Variants in CFAP54 observed in about 807,000 individuals in gnomAD.
CFAP54 encodes the protein cilia and flagella associated protein 54, also known as cilia- and flagella-associated protein 54.
In CFAP54, 290 loss-of-function variants were observed where a neutral mutation model predicts 370.4. The observed-to-expected ratio is 0.78, with a 90% CI of 0.71 to 0.86. The LOEUF is 0.86. CFAP54 is among the 40% of genes least tolerant of loss of function. CFAP54 has a pLI of 0.00. For missense variants in CFAP54, 3,399 were observed against 3,528.7 expected, an observed-to-expected ratio of 0.96 and a Z score of 0.93; for synonymous variants, 1,206 against 1,236.5, an observed-to-expected ratio of 0.98 and a Z score of 0.52.
chr12:96,830,285 C>T (rs1360530785), intron 66 of CFAP54, among the ~76,000 whole-genome samples: 1 of 152,110 alleles, frequency 6.6e-6, no homozygotes, highest in Non-Finnish European at 1.5e-5. Flanking sequence ...AATAGTTTTC[C>T]TGAGCAGCTG....
chr12:96,790,086 T>C (rs1958673507), intron 62 of CFAP54, among the ~76,000 whole-genome samples: 1 of 152,240 alleles, frequency 6.6e-6, no homozygotes, highest in Non-Finnish European at 1.5e-5. Flanking sequence ...TGTGTGATTC[T>C]GCATGTTGTC....
chr12:96,835,138 G>A (rs1388613195), intron 66 of CFAP54, among the ~76,000 whole-genome samples: 1 of 152,134 alleles, frequency 6.6e-6, no homozygotes, highest in Non-Finnish European at 1.5e-5. Flanking sequence ...AGGCCCTGGA[G>A]TGGGTTACTC....
intron 33 of CFAP54, among the ~76,000 whole-genome samples, chr12:96,647,486 A>AAAAAAAAAAAAAAG (rs1565927559): frequency 4.7e-5 from 7 of 148,986 alleles, no homozygotes; most frequent in African/African-American, 1.7e-4. Flanking sequence ...AAAAAAAAAA[A>AAAAAAAAAAAAAAG]AAAAAAAAAA....
At chr12:96,567,236 C>G (rs1345073389) in intron 19 of CFAP54, among the ~76,000 whole-genome samples, 2 of 152,134 alleles carry the variant, frequency 1.3e-5, no homozygotes, top group Non-Finnish European at 2.9e-5. Flanking sequence ...TTCTGTGAGA[C>G]AGAAGCTTAG....
At chr12:96,658,406 A>G in intron 38 of CFAP54, 60 bp downstream of exon 38, 1 of 1,554,034 alleles carries the variant, frequency 6.4e-7, no homozygotes. Flanking sequence ...TCCACATATA[A>G]AATACAAAGA....
chr12:96,518,809 A>C, intron 5 of CFAP54, 119 bp from the exon 6 acceptor site: 1 of 859,560 alleles, frequency 1.2e-6, no homozygotes, highest in Non-Finnish European at 1.6e-6. Context: ...TATTTATGGT[A>C]TTTTTGGTTT....
intron 3 of CFAP54, among the ~76,000 whole-genome samples, chr12:96,504,883 C>T (rs1394609781): frequency 6.6e-6 from 1 of 152,152 alleles, no homozygotes; most frequent in African/African-American, 2.4e-5. Flanking sequence ...AGCCTTGACC[C>T]CCTACCTTCT....
At chr12:96,580,021 T>G (rs1956016537) in intron 20 of CFAP54, among the ~76,000 whole-genome samples, 1 of 151,782 alleles carries the variant, frequency 6.6e-6, no homozygotes, top group South Asian at 2.1e-4. Flanking sequence ...GCTGTTCTTA[T>G]TTAGGGGTGT....
chr12:96,859,200 CATAAG>C (rs1959798409), intron 66 of CFAP54, among the ~76,000 whole-genome samples: 1 of 152,148 alleles, frequency 6.6e-6, no homozygotes. Context: ...GCTGGCTAGC[CATAAG>C]CAGAAGACTG....
At chr12:96,659,003 G>A (rs1390381550) in intron 38 of CFAP54, among the ~76,000 whole-genome samples, 1 of 152,056 alleles carries the variant, frequency 6.6e-6, no homozygotes, top group Non-Finnish European at 1.5e-5. Context: ...AATCAGTTCT[G>A]CAGTGGACAC....
chr12:96,489,879 G>C lies in CFAP54; in HGVS notation c.270G>C (p.Lys90Asn). Residue 90 changes from lysine to asparagine, a missense_variant, in exon 1 of 68, where the codon AAG (lysine) becomes AAC (asparagine). Around this residue, in one of 3 missense-constraint regions of CFAP54, gnomAD observed 559 missense variants for 576.7 expected, o/e 0.97. Coordinates refer to ENST00000524981, the MANE Select transcript of CFAP54 (RefSeq NM_001306084.2). ...TGTTAGGCTTTATGAGGAAAAAGAA[G>C]GCTTTAGCCACCACGGAGGAAGAGA... Reference protein sequence around the residue: ...QELLGFMRKKKALATTEEEKH... With the variant: ...QELLGFMRKKNALATTEEEKH... The C allele has an allele frequency of 1.3e-6, 2 of 1,535,278 alleles. No homozygotes were observed. The highest frequency in any genetic ancestry group is 1.7e-6 in the Non-Finnish European group (2 of 1,146,246).
At position 96,685,129 on chromosome 12, in the gene CFAP54, A is replaced by T; in HGVS notation, c.5905A>T (p.Thr1969Ser). ...KEFGPSLTNV[T>S]NSHSPPGFKD... is the part of the protein sequence containing the mutation. ...ATTTGGCCCCTCACTCACCAATGTCACCAACAGTCATTCACCTCCGGGTTT... is the reference window on the plus strand; with the variant it reads ...ATTTGGCCCCTCACTCACCAATGTCTCCAACAGTCATTCACCTCCGGGTTT... Residue 1969 changes from threonine (T) to serine (S), a missense_variant, in exon 42 of 68, where the codon ACC becomes TCC. Physicochemically the swap from Thr to Ser is moderately conservative, Grantham distance 58 (BLOSUM62 1). This residue lies in a region of CFAP54 where 2,796 missense variants were observed against 2,869.7 expected (regional missense o/e 0.97). Coordinates refer to ENST00000524981, the MANE Select transcript of CFAP54 (RefSeq NM_001306084.2). 1 of 1,614,118 alleles carries T rather than the reference A, an allele frequency of 6.2e-7. No individual in the cohort carries two copies. The highest frequency in any genetic ancestry group is 8.5e-7 in the Non-Finnish European group (1 of 1,180,006).
At chr12:96,594,236 C>G (rs1480913599) in intron 24 of CFAP54, 55 bp from the exon 25 acceptor site, 3 of 1,251,114 alleles carry the variant, frequency 2.4e-6, no homozygotes, top group Non-Finnish European at 3.3e-6. Flanking sequence ...TCCGTAGAGA[C>G]ACATACGCTA....
At chr12:96,591,224 G>A (rs1024016295) in intron 23 of CFAP54, among the ~76,000 whole-genome samples, 1 of 152,160 alleles carries the variant, frequency 6.6e-6, no homozygotes, top group African/African-American at 2.4e-5. Context: ...TCAATAAAAT[G>A]CCACAGAGAG....
intron 63 of CFAP54, among the ~76,000 whole-genome samples, chr12:96,794,286 C>T (rs1325462449): frequency 6.6e-6 from 1 of 152,120 alleles, no homozygotes; most frequent in Non-Finnish European, 1.5e-5. Context: ...GTCTAGATCT[C>T]TAGTAAGGCC....
chr12:96,722,136 A>C (rs1370071280), intron 50 of CFAP54, among the ~76,000 whole-genome samples: 1 of 152,136 alleles, frequency 6.6e-6, no homozygotes, highest in African/African-American at 2.4e-5. Context: ...AGTGCCACCC[A>C]CCAACCACCA....
chr12:96,509,539 C>T (rs921389561), intron 4 of CFAP54, among the ~76,000 whole-genome samples: 4 of 151,990 alleles, frequency 2.6e-5, no homozygotes, highest in Non-Finnish European at 5.9e-5. Flanking sequence ...ATTTAGGCTG[C>T]ACACAGTGGC....
At chr12:96,729,560 G>A (rs1957890668) in intron 50 of CFAP54, among the ~76,000 whole-genome samples, 1 of 152,200 alleles carries the variant, frequency 6.6e-6, no homozygotes, top group Non-Finnish European at 1.5e-5. Context: ...ATTCGGGTGG[G>A]AGTGACCCGA....
At chr12:96,612,031 G>T (rs1169734094) in intron 26 of CFAP54, among the ~76,000 whole-genome samples, 5 of 152,050 alleles carry the variant, frequency 3.3e-5, no homozygotes, top group Non-Finnish European at 1.5e-5. Context: ...TCAAATTCAG[G>T]GTTACAGAGA....
Sources: allele counts gnomAD v4.1 joint callset (sites outside exome capture counted in the v4.1 genomes callset), GRCh38; gene constraint gnomAD v4.1.1; regional missense constraint gnomAD v4.1.1; transcripts MANE v1.5; gene names NCBI Gene and HGNC (gene_info 2026-07-23, HGNC 2026-07-21).